The following CNTN4 variants were observed in gnomAD, a reference collection of about 807,000 sequenced individuals.
CNTN4 encodes the protein contactin 4, also known as contactin-4.
A neutral mutation model predicts 122.5 loss-of-function variants in CNTN4; 77 were observed. The observed-to-expected ratio is 0.63, with a 90% CI of 0.52 to 0.76. CNTN4 has a LOEUF of 0.76. Among genes scored for constraint, CNTN4 ranks in the 30% least tolerant of loss-of-function variants. CNTN4 has a pLI of 0.00. For synonymous variants in CNTN4, 512 were observed against 447.0 expected (o/e 1.15, Z -1.83); for missense variants, 1,256 against 1,259.1 (o/e 1.00, Z 0.04).
chr3:3,017,752 T>C (rs1214709171), intron 14 of CNTN4, among the ~76,000 whole-genome samples: 1 of 152,138 alleles, frequency 6.6e-6, no homozygotes, highest in Non-Finnish European at 1.5e-5. Context: ...AAGTGGGTGC[T>C]CACGAGGAAG....
chr3:2,386,619 T>C (rs1225255650), intron 3 of CNTN4, among the ~76,000 whole-genome samples: 1 of 145,976 alleles, frequency 6.9e-6, no homozygotes, highest in Non-Finnish European at 1.6e-5. Context: ...AGCTAGAAAA[T>C]TTCTAAGGAG....
intron 14 of CNTN4, among the ~76,000 whole-genome samples, chr3:3,001,679 G>A (rs989940168): frequency 1.3e-5 from 2 of 152,230 alleles, no homozygotes; most frequent in East Asian, 1.9e-4. Flanking sequence ...CATTTGACAC[G>A]CAGTATTAAG....
At chr3:2,203,142 A>G (rs959176030) in intron 2 of CNTN4, among the ~76,000 whole-genome samples, 1 of 151,990 alleles carries the variant, frequency 6.6e-6, no homozygotes, top group African/African-American at 2.4e-5. Context: ...CCACAATTAC[A>G]ATTTAATATT....
chr3:2,892,356 A>G (rs545836705), intron 10 of CNTN4: 1 of 152,294 alleles, frequency 6.6e-6, no homozygotes, highest in South Asian at 2.1e-4. Flanking sequence ...AGAATGCTCT[A>G]TGTTTAGGTT....
chr3:2,783,764 C>T (rs2091700812), intron 6 of CNTN4, among the ~76,000 whole-genome samples: 1 of 152,192 alleles, frequency 6.6e-6, no homozygotes, highest in Non-Finnish European at 1.5e-5. Flanking sequence ...AAAGACGAAT[C>T]CATTTTCGGC....
At chr3:2,198,642 T>C (rs2037955863) in intron 2 of CNTN4, among the ~76,000 whole-genome samples, 1 of 152,118 alleles carries the variant, frequency 6.6e-6, no homozygotes, top group Non-Finnish European at 1.5e-5. Flanking sequence ...TATAAAAAAA[T>C]AAAATATATT....
At chr3:2,502,211 C>T (rs1045375541) in intron 3 of CNTN4, among the ~76,000 whole-genome samples, 2 of 152,090 alleles carry the variant, frequency 1.3e-5, no homozygotes, top group African/African-American at 4.8e-5. Context: ...ATTATTTAGC[C>T]TCCAAGGCCT....
chr3:2,200,313 G>C (rs959968741), intron 2 of CNTN4, among the ~76,000 whole-genome samples: 5 of 152,074 alleles, frequency 3.3e-5, no homozygotes, highest in African/African-American at 4.8e-5. Context: ...AGTAAACTTT[G>C]GTAAGTCACT....
intron 4 of CNTN4, among the ~76,000 whole-genome samples, chr3:2,658,917 G>A (rs1339143857): frequency 6.7e-6 from 1 of 149,582 alleles, no homozygotes; most frequent in East Asian, 2.0e-4. Context: ...ATACCTACTT[G>A]CATTTTTTTA....
At chr3:2,139,812 T>C (rs1004915944) in intron 2 of CNTN4, among the ~76,000 whole-genome samples, 2 of 152,226 alleles carry the variant, frequency 1.3e-5, no homozygotes, top group Non-Finnish European at 2.9e-5. Flanking sequence ...ATGTGTTTTG[T>C]TGTCTAAATC....
intron 4 of CNTN4, among the ~76,000 whole-genome samples, chr3:2,669,088 G>A (rs989726817): frequency 3.5e-4 from 53 of 152,256 alleles, no homozygotes; most frequent in Middle Eastern, 3.4e-3. Context: ...TTTGGTATCA[G>A]GATGATGCTG....
At chr3:2,966,293 T>G (rs1692303598) in intron 13 of CNTN4, among the ~76,000 whole-genome samples, 1 of 152,168 alleles carries the variant, frequency 6.6e-6, no homozygotes, top group South Asian at 2.1e-4. Context: ...ATATTTGGAT[T>G]TTTGGAGGAC....
At chr3:2,149,073 G>A (rs912783930) in intron 2 of CNTN4, among the ~76,000 whole-genome samples, 7 of 151,766 alleles carry the variant, frequency 4.6e-5, no homozygotes, top group Non-Finnish European at 8.8e-5. Flanking sequence ...TATATATTTT[G>A]TTGATTCTAA....
At chr3:2,106,741 C>T (rs2032481936) in intron 2 of CNTN4, among the ~76,000 whole-genome samples, 1 of 152,252 alleles carries the variant, frequency 6.6e-6, no homozygotes, top group Admixed American at 6.5e-5. Context: ...CTCCTTACTT[C>T]TGCAAATTTC....
At chr3:2,452,116 G>A (rs1470311156) in intron 3 of CNTN4, among the ~76,000 whole-genome samples, 2 of 152,132 alleles carry the variant, frequency 1.3e-5, no homozygotes, top group African/African-American at 4.8e-5. Context: ...GACATAAAGT[G>A]TTAGCATTGT....
chr3:2,292,699 C>T (rs942100006), intron 2 of CNTN4, among the ~76,000 whole-genome samples: 1 of 152,150 alleles, frequency 6.6e-6, no homozygotes, highest in Non-Finnish European at 1.5e-5. Flanking sequence ...CCTTCTTTTG[C>T]TCAACATTTT....
intron 6 of CNTN4, among the ~76,000 whole-genome samples, chr3:2,807,073 G>A (rs2092485019): frequency 6.6e-6 from 1 of 152,142 alleles, no homozygotes; most frequent in Non-Finnish European, 1.5e-5. Context: ...TTTTGTCAGT[G>A]ATATATCCCC....
intron 4 of CNTN4, among the ~76,000 whole-genome samples, chr3:2,730,265 T>C (rs2088585150): frequency 1.3e-5 from 2 of 152,206 alleles, no homozygotes; most frequent in South Asian, 4.1e-4. Flanking sequence ...ATTTATACAA[T>C]GTTTTAAATA....
chr3:3,017,450 C>T (rs1200872720), intron 14 of CNTN4, among the ~76,000 whole-genome samples: 1 of 152,178 alleles, frequency 6.6e-6, no homozygotes, highest in African/African-American at 2.4e-5. Flanking sequence ...ATAACCTGAA[C>T]AGATTTTATT....
Sources: allele counts gnomAD v4.1 joint callset (sites outside exome capture counted in the v4.1 genomes callset), GRCh38; gene constraint gnomAD v4.1.1; transcripts MANE v1.5; gene names NCBI Gene and HGNC (gene_info 2026-07-23, HGNC 2026-07-21).